The following MARCHF1 variants were observed in gnomAD, a reference collection of about 807,000 sequenced individuals.
MARCHF1 encodes membrane associated ring-CH-type finger 1.
In MARCHF1, 40 loss-of-function variants were observed where a neutral mutation model predicts 54.2. That is an observed-to-expected ratio of 0.74 (90% confidence interval 0.57 to 0.96). MARCHF1 has a LOEUF of 0.96. Ranked by LOEUF, MARCHF1 falls within the 40% of genes least tolerant of loss-of-function variation. The pLI is 0.00. For missense variants in MARCHF1, 586 were observed against 656.5 expected, an observed-to-expected ratio of 0.89 and a Z score of 1.17; for synonymous variants, 236 against 236.3, an observed-to-expected ratio of 1.00 and a Z score of 0.01.
chr4:164,262,109 A>G (rs972768908), intron 1 of MARCHF1, among the ~76,000 whole-genome samples: 1 of 113,768 alleles, frequency 8.8e-6, no homozygotes, highest in African/African-American at 4.7e-5. Context: ...TATCTTAAGA[A>G]AAAAAAAAAA....
chr4:163,667,064 T>G (rs181378063), intron 5 of MARCHF1, among the ~76,000 whole-genome samples: 12 of 152,140 alleles, frequency 7.9e-5, no homozygotes, highest in Admixed American at 7.2e-4. Flanking sequence ...TAGTAGTTTG[T>G]TGGGTACAAA....
At chr4:163,867,491 CTTA>C (rs1416212866) in intron 3 of MARCHF1, among the ~76,000 whole-genome samples, 2 of 151,438 alleles carry the variant, frequency 1.3e-5, no homozygotes, top group Admixed American at 6.6e-5. Flanking sequence ...TAATAATAAA[CTTA>C]TTATATATAA....
At chr4:164,027,672 T>C (rs1474816491) in intron 2 of MARCHF1, among the ~76,000 whole-genome samples, 2 of 152,068 alleles carry the variant, frequency 1.3e-5, no homozygotes, top group Non-Finnish European at 2.9e-5. Flanking sequence ...GGAAGTACCA[T>C]TCTCAATATC....
chr4:163,678,879 G>A (rs1390000408), intron 5 of MARCHF1, among the ~76,000 whole-genome samples: 4 of 152,258 alleles, frequency 2.6e-5, no homozygotes, highest in East Asian at 1.9e-4. Context: ...ATTTCACTAG[G>A]TGTAATAGCA....
chr4:164,056,500 T>C (rs979019511), intron 2 of MARCHF1, among the ~76,000 whole-genome samples: 5 of 117,800 alleles, frequency 4.2e-5, no homozygotes, highest in African/African-American at 1.6e-4. Context: ...CCTGCTTTTC[T>C]TGGAAGATTT....
At chr4:164,110,664 CA>C (rs1755815135) in intron 2 of MARCHF1, among the ~76,000 whole-genome samples, 1 of 149,006 alleles carries the variant, frequency 6.7e-6, no homozygotes, top group African/African-American at 2.5e-5. Context: ...TGAGGCGATA[CA>C]ATCATATTTT....
intron 2 of MARCHF1, among the ~76,000 whole-genome samples, chr4:164,091,410 T>TTTTATA (rs145149996): frequency 0.049 from 6,726 of 136,840 alleles, 210 homozygotes; most frequent in African/African-American, 0.053. Flanking sequence ...TCACCAAGTT[T>TTTTATA]TATATATATA....
chr4:164,146,895 A>T (rs867719883), intron 1 of MARCHF1, among the ~76,000 whole-genome samples: 1 of 150,092 alleles, frequency 6.7e-6, no homozygotes, highest in Non-Finnish European at 1.5e-5. Context: ...CAACCTACAA[A>T]ATGGGAGAAA....
chr4:164,307,352 C>T (rs149695751), intron 1 of MARCHF1, among the ~76,000 whole-genome samples: 1 of 152,318 alleles, frequency 6.6e-6, no homozygotes, highest in African/African-American at 2.4e-5. Context: ...GAGGATGGAG[C>T]TGCTGGAACT....
At chr4:164,150,471 T>C (rs1055520570) in intron 1 of MARCHF1, among the ~76,000 whole-genome samples, 1 of 152,132 alleles carries the variant, frequency 6.6e-6, no homozygotes, top group Non-Finnish European at 1.5e-5. Context: ...GGAGAACAGG[T>C]ATTCTTTAAA....
chr4:163,787,144 AAAAGATTTCAGCC>A (rs1451559886), intron 4 of MARCHF1, among the ~76,000 whole-genome samples: 3 of 151,942 alleles, frequency 2.0e-5, no homozygotes, highest in African/African-American at 7.2e-5. Flanking sequence ...AAAAAAGGAG[AAAAGATTTCAGCC>A]ATTGTTTTTG....
intron 4 of MARCHF1, among the ~76,000 whole-genome samples, chr4:163,764,011 T>C (rs1245170720): frequency 2.0e-5 from 3 of 152,082 alleles, no homozygotes; most frequent in Non-Finnish European, 4.4e-5. Flanking sequence ...CCATTCCAAG[T>C]GTACACCACT....
intron 5 of MARCHF1, among the ~76,000 whole-genome samples, chr4:163,666,234 G>A (rs991001908): frequency 1.4e-4 from 22 of 152,046 alleles, no homozygotes; most frequent in African/African-American, 4.8e-4. Context: ...CTATCACGTG[G>A]TTTGATAAAG....
chr4:163,573,559 G>A (rs1400674157), intron 8 of MARCHF1, among the ~76,000 whole-genome samples: 35 of 148,020 alleles, frequency 2.4e-4, no homozygotes, highest in African/African-American at 8.0e-4. Context: ...GAGAATACGC[G>A]GTGTTTGGTT....
At chr4:163,982,800 C>T (rs1022433116) in intron 3 of MARCHF1, among the ~76,000 whole-genome samples, 1 of 152,106 alleles carries the variant, frequency 6.6e-6, no homozygotes, top group African/African-American at 2.4e-5. Context: ...CTCACATGTC[C>T]TTATACAAGC....
At chr4:164,328,300 A>G (rs934998303) in intron 1 of MARCHF1, among the ~76,000 whole-genome samples, 4 of 152,190 alleles carry the variant, frequency 2.6e-5, no homozygotes, top group Non-Finnish European at 4.4e-5. Context: ...GCAAAGAGTA[A>G]TCTTTAGATT....
At chr4:163,807,592 C>G (rs1001361163) in intron 4 of MARCHF1, among the ~76,000 whole-genome samples, 8 of 151,898 alleles carry the variant, frequency 5.3e-5, no homozygotes, top group Admixed American at 4.6e-4. Flanking sequence ...TTTGGCACAT[C>G]CATTTAATAA....
At chr4:164,336,822 C>T (rs867319328) in intron 1 of MARCHF1, among the ~76,000 whole-genome samples, 2 of 152,172 alleles carry the variant, frequency 1.3e-5, no homozygotes, top group South Asian at 2.1e-4. Context: ...GTACAAAAAC[C>T]TTTCTCTCCT....
intron 3 of MARCHF1, among the ~76,000 whole-genome samples, chr4:163,867,814 CTTTTTT>C (rs34739113): frequency 1.3e-4 from 17 of 131,038 alleles, no homozygotes; most frequent in Non-Finnish European, 2.1e-4. Flanking sequence ...CATCAATTTC[CTTTTTT>C]TTTTTTTTTT....
Sources: gnomAD v4.1 joint callset for allele counts (sites outside exome capture counted in the v4.1 genomes callset) on GRCh38, gnomAD v4.1.1 for gene constraint, MANE v1.5 for transcripts, NCBI Gene and HGNC (gene_info 2026-07-23, HGNC 2026-07-21) for gene names.